Variants in JCAD observed in about 807,000 individuals in gnomAD.
The protein encoded by JCAD is junctional cadherin 5-associated protein.
Under a neutral mutation model 98.0 loss-of-function variants are expected in JCAD, and 40 were observed. That is an observed-to-expected ratio of 0.41 (90% confidence interval 0.32 to 0.53). JCAD has a LOEUF of 0.53. Ranked by LOEUF, JCAD falls within the 20% of genes least tolerant of loss-of-function variation. The pLI is 0.31. For missense variants in JCAD, 1,705 were observed against 1,738.1 expected (o/e 0.98, Z 0.34); for synonymous variants, 691 against 682.3 (o/e 1.01, Z -0.20).
chr10:30,024,480 C>A (rs1364444184), intron 3 of JCAD, among the ~76,000 whole-genome samples: 1 of 152,200 alleles, frequency 6.6e-6, no homozygotes, highest in African/African-American at 2.4e-5. Context: ...GGCAGGTAAC[C>A]CTTTTCCTAC....
chr10:30,108,523 T>G (rs958438719), intron 1 of JCAD, among the ~76,000 whole-genome samples: 8 of 152,260 alleles, frequency 5.3e-5, no homozygotes, highest in African/African-American at 1.9e-4. Flanking sequence ...CAGTACACAC[T>G]CAGAGTGAGG....
chr10:30,088,607 T>A (rs956358039), intron 1 of JCAD, among the ~76,000 whole-genome samples: 1 of 152,164 alleles, frequency 6.6e-6, no homozygotes, highest in Non-Finnish European at 1.5e-5. Flanking sequence ...ATAAAGTCCA[T>A]GGGAAGAAAA....
chr10:30,026,525 G>T lies in JCAD; in HGVS notation c.3623C>A (p.Thr1208Lys), dbSNP rs1309233067. The T allele has an allele frequency of 9.3e-6, 15 of 1,614,106 alleles. No individual in the cohort carries two copies. Among genetic ancestry groups the T allele is most frequent in the African/African-American group, 1.3e-5 (1 of 74,940 alleles). Residue 1208 changes from threonine (T) to lysine (K), a missense_variant, in exon 3 of 4, where the codon ACA becomes AAA. Physicochemically the swap from Thr to Lys is moderately conservative, Grantham distance 78. Coordinates refer to ENST00000375377, the MANE Select transcript of JCAD (RefSeq NM_020848.4). ...TAAAGTGGACCTGAAGGGTGGTTTT[G>T]TTTCCACATCCTTTTGTTCGAAGAA... ...SKFFEQKDVETKPPFRSTLFH... is the reference protein window; with the variant it reads ...SKFFEQKDVEKKPPFRSTLFH...
At chr10:30,058,440 C>T (rs1278078757) in intron 1 of JCAD, among the ~76,000 whole-genome samples, 1 of 152,170 alleles carries the variant, frequency 6.6e-6, no homozygotes, top group Non-Finnish European at 1.5e-5. Flanking sequence ...CCTCTCTACT[C>T]CTTAAGCGCG....
chr10:30,034,424 A>G (rs1424188280), intron 2 of JCAD, among the ~76,000 whole-genome samples: 2 of 152,178 alleles, frequency 1.3e-5, no homozygotes, highest in Non-Finnish European at 2.9e-5. Context: ...TGTACATGGT[A>G]TAAGACCTGT....
At chr10:30,018,292 TC>T (rs1564436994) in intron 3 of JCAD, among the ~76,000 whole-genome samples, 5 of 116,894 alleles carry the variant, frequency 4.3e-5, no homozygotes, top group African/African-American at 1.2e-4. Context: ...TTCTTCTTCT[TC>T]TTCTTTTTTT....
chr10:30,030,922 G>A (rs1836976650), intron 2 of JCAD, among the ~76,000 whole-genome samples: 2 of 150,032 alleles, frequency 1.3e-5, no homozygotes, highest in South Asian at 4.2e-4. Flanking sequence ...AGGCAATCAG[G>A]CATCCGAGAC....
intron 1 of JCAD, among the ~76,000 whole-genome samples, chr10:30,103,874 G>A (rs989030832): frequency 1.3e-5 from 2 of 151,796 alleles, no homozygotes; most frequent in Non-Finnish European, 2.9e-5. Flanking sequence ...TGGGATTACA[G>A]GCATGCACCA....
rs1460805095 is a variant in JCAD at position 30,059,579 on chromosome 10, G to C, written c.-157C>G. ...CCCCGCCTGCAGCCGCCGAGGCCGA[G>C]CATGCCCGGAGAACCGCCGTCCGCC... On this transcript the variant is annotated 5_prime_UTR_variant, in exon 1 of 4. Transcript: ENST00000375377. The surrounding 1 kb of genome is among the most constrained non-coding windows in gnomAD (Gnocchi z 5.0). The C allele has an allele frequency of 8.2e-5, 11 of 134,628 alleles. No individual in the cohort carries two copies. Among genetic ancestry groups the C allele is most frequent in the Admixed American group, 1.4e-4 (2 of 14,372 alleles). 8.3% of individuals were successfully genotyped at this position (134,628 alleles called of 1,614,324 possible).
chr10:30,115,289 C>G (rs570973312), intron 1 of JCAD: 3 of 152,124 alleles, frequency 2.0e-5, no homozygotes, highest in Admixed American at 2.0e-4. Context: ...AAGCAGCTGC[C>G]GTTTTTCAGT....
chr10:30,113,613 C>CAGATGGCT (rs949665775), intron 1 of JCAD, among the ~76,000 whole-genome samples: 1 of 124,948 alleles, frequency 8.0e-6, no homozygotes, highest in African/African-American at 3.2e-5. Flanking sequence ...ACAAAACAGA[C>CAGATGGCT]AGATGGCTCA....
chr10:30,099,406 T>C (rs1206342814), intron 1 of JCAD, among the ~76,000 whole-genome samples: 1 of 152,166 alleles, frequency 6.6e-6, no homozygotes, highest in African/African-American at 2.4e-5. Flanking sequence ...GAGTTTCTTA[T>C]CTAGTTAAAT....
chr10:30,035,557 C>T (rs1057450640), intron 2 of JCAD, among the ~76,000 whole-genome samples: 1 of 152,246 alleles, frequency 6.6e-6, no homozygotes, highest in African/African-American at 2.4e-5. Context: ...AATGGCTCTT[C>T]TAGTAGCTTC....
At chr10:30,018,495 C>T (rs1836586706) in intron 3 of JCAD, among the ~76,000 whole-genome samples, 1 of 152,172 alleles carries the variant, frequency 6.6e-6, no homozygotes. Context: ...CAGCGCAAGG[C>T]TTCTAGAGCC....
chr10:30,077,607 TA>T (rs1444161515), intron 1 of JCAD, among the ~76,000 whole-genome samples: 1 of 152,216 alleles, frequency 6.6e-6, no homozygotes, highest in Non-Finnish European at 1.5e-5. Flanking sequence ...CAGCCCCTGA[TA>T]ACCTCTACTC....
At chr10:30,024,011 A>G (rs1037824596) in intron 3 of JCAD, among the ~76,000 whole-genome samples, 1 of 152,150 alleles carries the variant, frequency 6.6e-6, no homozygotes, top group African/African-American at 2.4e-5. Flanking sequence ...CAAATAACTA[A>G]AAAAATAGCT....
chr10:30,093,006 G>A (rs893938205), intron 1 of JCAD, among the ~76,000 whole-genome samples: 7 of 152,048 alleles, frequency 4.6e-5, no homozygotes, highest in African/African-American at 1.7e-4. Context: ...TAGGCCATGG[G>A]TTTTAGCCAG....
rs1391772079 is a variant in JCAD at position 30,015,565 on chromosome 10, A to G, written c.*2318T>C. ...AATGGTTTCAGAAAGATATGATACA[A>G]CAATTTAAGATAACAAAACAGAAGC... On this transcript the variant is annotated 3_prime_UTR_variant, in exon 4 of 4. Coordinates refer to ENST00000375377, the MANE Select transcript of JCAD (RefSeq NM_020848.4). The G allele has an allele frequency of 6.6e-6, 1 of 152,230 alleles. No individual in the cohort carries two copies. Among genetic ancestry groups the G allele is most frequent in the African/African-American group, 2.4e-5 (1 of 41,464 alleles). The allele number at this position is 152,230 out of a possible 1,614,324, so 9.4% of individuals were successfully genotyped here. A position where few individuals can be genotyped will look rare whatever the true frequency, so the allele number is the denominator to read the frequency against.
At position 30,027,199 on chromosome 10, in the gene JCAD, ACTTGAT is replaced by A. The variant is rs775564374; in HGVS notation, c.2943_2948del (p.Arg981_Ser982del). 3 of 1,614,178 alleles carry A rather than the reference ACTTGAT, an allele frequency of 1.9e-6. No homozygotes were observed. Among genetic ancestry groups the A allele is most frequent in the East Asian group, 4.5e-5 (2 of 44,880 alleles). ...AGGACGCGGGCAGTGGTTTTGCGTC[ACTTGAT>A]CTTGAAGACATTCTCGTCACAGGAA... On this transcript the variant is annotated inframe_deletion, in exon 3 of 4. Coordinates refer to ENST00000375377, the MANE Select transcript of JCAD (RefSeq NM_020848.4).
Sources: allele counts gnomAD v4.1 joint callset (sites outside exome capture counted in the v4.1 genomes callset), GRCh38; gene constraint gnomAD v4.1.1; non-coding constraint Gnocchi (gnomAD v3.1); transcripts MANE v1.5; gene names NCBI Gene and HGNC (gene_info 2026-07-23, HGNC 2026-07-21).